The following TMEM181 variants were observed in gnomAD, a reference collection of about 807,000 sequenced individuals.
TMEM181 encodes transmembrane protein 181.
In TMEM181, 39 loss-of-function variants were observed where a neutral mutation model predicts 71.9. The observed-to-expected ratio is 0.54, with a 90% CI of 0.42 to 0.71. TMEM181 has a LOEUF of 0.71. Among genes scored for constraint, TMEM181 ranks in the 30% least tolerant of loss-of-function variants. The probability of loss-of-function intolerance (pLI) is 0.00; values close to 1 mark genes in which losing one functional copy is unlikely to be tolerated. For missense variants in TMEM181, 595 were observed against 583.0 expected (o/e 1.02, Z -0.21); for synonymous variants, 245 against 228.8 (o/e 1.07, Z -0.64).
intron 16 of TMEM181, 87 bp from the exon 17 acceptor site, chr6:158,631,723 T>A (rs932382431): frequency 7.8e-6 from 11 of 1,401,310 alleles, no homozygotes; most frequent in Non-Finnish European, 1.1e-5. Context: ...TATGATTTAA[T>A]TCCTGCTGGA....
chr6:158,625,060 C>T, intron 11 of TMEM181, 44 bp from the exon 12 acceptor site: 1 of 1,483,098 alleles, frequency 6.7e-7, no homozygotes, highest in Admixed American at 1.7e-5. Flanking sequence ...GAGAAGGTCA[C>T]AGAGGCCCTG....
intron 3 of TMEM181, among the ~76,000 whole-genome samples, chr6:158,583,311 G>T (rs972952797): frequency 6.6e-6 from 1 of 152,152 alleles, no homozygotes; most frequent in Non-Finnish European, 1.5e-5. Flanking sequence ...GTCTTAGTAT[G>T]TATCTCATCA....
chr6:158,560,333 C>A, intron 1 of TMEM181, 101 bp downstream of exon 1: 1 of 984,276 alleles, frequency 1.0e-6, no homozygotes, highest in Non-Finnish European at 1.2e-6. Context: ...GGGTCCCTGG[C>A]GCCCACGTGG....
Position 158,587,499 on chromosome 6 carries a change from C to CT in TMEM181, c.381+2087dup, listed in dbSNP as rs547125415. Among the ~76,000 whole-genome samples the CT allele has an allele frequency of 5.5e-3, 804 of 146,254 alleles. 6 individuals carry two copies. The highest frequency in any genetic ancestry group is 0.016 in the African/African-American group (651 of 40,176). On this transcript the variant is annotated intron_variant, in intron 5 of 16. Coordinates refer to ENST00000684151, the MANE Select transcript of TMEM181 (RefSeq NM_001376852.1). ...AGATATTTACCACCCTCTTATATTA[C>CT]TTTTTTTTTTTTTAAACACACAGTC... is the stretch of plus-strand genomic sequence containing the variant.
At chr6:158,624,615 G>A (rs1562314315) in intron 11 of TMEM181, among the ~76,000 whole-genome samples, 1 of 152,242 alleles carries the variant, frequency 6.6e-6, no homozygotes, top group Non-Finnish European at 1.5e-5. Flanking sequence ...CTTAGGTCCT[G>A]TAGGGCATTT....
chr6:158,581,066 C>G, intron 3 of TMEM181, 71 bp downstream of exon 3: 1 of 1,449,408 alleles, frequency 6.9e-7, no homozygotes, highest in Non-Finnish European at 9.6e-7. Context: ...AGAAATGGTT[C>G]CGCTTAGAGT....
At chr6:158,560,985 G>A (rs894379325) in intron 1 of TMEM181, among the ~76,000 whole-genome samples, 1 of 152,176 alleles carries the variant, frequency 6.6e-6, no homozygotes, top group Admixed American at 6.5e-5. Context: ...GAGGGTTAGC[G>A]CCGCGTGGAG....
chr6:158,630,830 A>AC (rs1448524164), intron 15 of TMEM181, among the ~76,000 whole-genome samples: 1 of 147,552 alleles, frequency 6.8e-6, no homozygotes, highest in Non-Finnish European at 1.5e-5. Context: ...AGCCCCCCGC[A>AC]CCCCCCGACA....
At chr6:158,562,408 A>T (rs1027508304) in intron 1 of TMEM181, among the ~76,000 whole-genome samples, 7 of 151,136 alleles carry the variant, frequency 4.6e-5, no homozygotes, top group Non-Finnish European at 1.0e-4. Context: ...CTTTGGTCTT[A>T]CTTTAGCATT....
chr6:158,630,831 C>T (rs1427500568), intron 15 of TMEM181, among the ~76,000 whole-genome samples: 8 of 151,954 alleles, frequency 5.3e-5, no homozygotes, highest in African/African-American at 1.9e-4. Flanking sequence ...GCCCCCCGCA[C>T]CCCCCGACAT....
intron 10 of TMEM181, chr6:158,611,124 G>T (rs1785278802): frequency 9.6e-6 from 5 of 522,288 alleles, no homozygotes; most frequent in South Asian, 7.2e-5. Context: ...TCCTCAGTGG[G>T]TTTCTCCTGA....
At chr6:158,607,396 G>A in intron 8 of TMEM181, 53 bp downstream of exon 8, 1 of 1,537,644 alleles carries the variant, frequency 6.5e-7, no homozygotes, top group Non-Finnish European at 9.0e-7. Flanking sequence ...TGTAAAGCTG[G>A]AGGCCAGGTG....
intron 1 of TMEM181, among the ~76,000 whole-genome samples, chr6:158,570,399 ATT>A (rs536558603): frequency 8.4e-5 from 12 of 142,602 alleles, no homozygotes; most frequent in Non-Finnish European, 1.1e-4. Context: ...AGCCTGGCTA[ATT>A]TTTTTTTTTT....
rs756775816 is a variant in TMEM181, at chr6:158,633,535, C to G, written c.*1647C>G. ...AGCAGTACCTACTTTTTTTCTTCATCTATGCATTGACTCTCAGATTACCAT... is the reference window on the plus strand; with the variant it reads ...AGCAGTACCTACTTTTTTTCTTCATGTATGCATTGACTCTCAGATTACCAT... On this transcript the variant is annotated 3_prime_UTR_variant, in exon 17 of 17. Transcript: ENST00000684151. The G allele has an allele frequency of 9.2e-5, 14 of 152,194 alleles. No homozygotes were observed. Among genetic ancestry groups the G allele is most frequent in the Non-Finnish European group, 1.3e-4 (9 of 68,028 alleles). The allele number at this position is 152,194 out of a possible 1,614,324, so 9.4% of individuals were successfully genotyped here.
chr6:158,590,763 A>G (rs924521498), intron 6 of TMEM181, among the ~76,000 whole-genome samples: 12 of 152,212 alleles, frequency 7.9e-5, no homozygotes, highest in African/African-American at 2.4e-5. Flanking sequence ...CGCCCGGCCC[A>G]TTCAGTGGTT....
At chr6:158,558,027 A>G (rs935931349), upstream of TMEM181, among the ~76,000 whole-genome samples, 3 of 152,238 alleles carry the variant, frequency 2.0e-5, no homozygotes, top group African/African-American at 4.8e-5. Flanking sequence ...ACATCCTTGA[A>G]GGAGTGTTGG....
chr6:158,593,902 A>G (rs1038576343), intron 6 of TMEM181, among the ~76,000 whole-genome samples: 10 of 152,040 alleles, frequency 6.6e-5, no homozygotes, highest in African/African-American at 1.4e-4. Context: ...ATGAACCCAC[A>G]TTGACACACC....
At chr6:158,592,642 C>T (rs900863807) in intron 6 of TMEM181, among the ~76,000 whole-genome samples, 2 of 152,132 alleles carry the variant, frequency 1.3e-5, no homozygotes, top group African/African-American at 2.4e-5. Flanking sequence ...TAGTTCACCA[C>T]GCCCTGCTAA....
chr6:158,619,883 AAAAAAAGG>A lies in TMEM181; in HGVS notation c.897-3665_897-3658del, dbSNP rs764091775. Among the ~76,000 whole-genome samples the A allele has an allele frequency of 9.8e-3, 1,046 of 107,004 alleles. 19 individuals carry two copies. The highest frequency in any genetic ancestry group is 0.034 in the African/African-American group (927 of 27,302). 70.2% of individuals were successfully genotyped at this position (107,004 alleles called of 152,430 possible). ...ACTCCGTCTCAAAAAAAAAAAAAAA[AAAAAAAGG>A]AGGATGTCATGAGGGGTGCAAGGTT... On this transcript the variant is annotated intron_variant, in intron 10 of 16. Coordinates refer to ENST00000684151, the MANE Select transcript of TMEM181 (RefSeq NM_001376852.1).
Sources: gnomAD v4.1 joint callset for allele counts (sites outside exome capture counted in the v4.1 genomes callset) on GRCh38, gnomAD v4.1.1 for gene constraint, MANE v1.5 for transcripts, NCBI Gene and HGNC (gene_info 2026-07-23, HGNC 2026-07-21) for gene names.